CSMD1: variants seen among roughly 807,000 people sequenced by gnomAD.
CSMD1 encodes CUB and Sushi multiple domains 1, also known as CUB and sushi domain-containing protein 1.
A neutral mutation model predicts 417.5 loss-of-function variants in CSMD1; 213 were observed. The ratio of observed to expected loss-of-function variants is 0.51; its 90% confidence interval spans 0.46 to 0.57. The LOEUF is 0.57. CSMD1 is among the 20% of genes least tolerant of loss of function. The pLI is 0.00. For missense variants in CSMD1, 6,923 were observed against 4,529.7 expected (o/e 1.53, Z -15.17); for synonymous variants, 2,862 against 1,736.8 (o/e 1.65, Z -16.11).
chr8:3,403,224 C>T (rs1812144079), intron 15 of CSMD1, among the ~76,000 whole-genome samples: 2 of 152,290 alleles, frequency 1.3e-5, no homozygotes, highest in South Asian at 4.1e-4. Flanking sequence ...TAAGAGTATT[C>T]TGTAAGGGAT....
Position 3,574,999 on chromosome 8 carries a change from C to G in CSMD1, c.1290G>C (p.Gln430His), listed in dbSNP as rs541983846. ...GVITSPNYPV[Q>H]YEDNAHCVWV... ...ACACACAGTGTGCATTATCTTCATA[C>G]TGAACCGGATAATTAGGGGAGGTAA... The change falls in exon 10 of 70, where the codon CAG becomes CAC. Residue 430 changes from glutamine to histidine, a missense_variant. Physicochemically the swap from Gln to His is conservative, Grantham distance 24. Transcript: ENST00000635120. The G allele has an allele frequency of 1.2e-6, 2 of 1,613,362 alleles. No homozygotes were observed. The highest frequency in any genetic ancestry group is 1.7e-6 in the Non-Finnish European group (2 of 1,179,772).
intron 62 of CSMD1, among the ~76,000 whole-genome samples, chr8:2,960,344 G>C (rs546868416): frequency 7.9e-5 from 12 of 152,212 alleles, no homozygotes; most frequent in Non-Finnish European, 1.0e-4. Context: ...GTCCGAGCGA[G>C]AACAATGGGA....
intron 12 of CSMD1, among the ~76,000 whole-genome samples, chr8:3,451,765 G>C (rs534606866): frequency 1.3e-5 from 2 of 152,108 alleles, no homozygotes; most frequent in Non-Finnish European, 2.9e-5. Context: ...CTCCAGCTTT[G>C]TTCTTTTGGC....
intron 1 of CSMD1, among the ~76,000 whole-genome samples, chr8:4,804,457 G>A (rs1355768151): frequency 6.8e-6 from 1 of 147,116 alleles, no homozygotes; most frequent in Non-Finnish European, 1.5e-5. Flanking sequence ...CTTCGGTGTA[G>A]ATTTTTTTTT....
At chr8:3,265,883 A>T (rs532122533) in intron 26 of CSMD1, among the ~76,000 whole-genome samples, 17 of 152,074 alleles carry the variant, frequency 1.1e-4, no homozygotes, top group African/African-American at 3.9e-4. Context: ...GACTGAGATC[A>T]GCTTCTCCAT....
intron 52 of CSMD1, among the ~76,000 whole-genome samples, chr8:3,012,698 T>A (rs1187287751): frequency 6.6e-6 from 1 of 152,172 alleles, no homozygotes; most frequent in Non-Finnish European, 1.5e-5. Flanking sequence ...GTCTTAGTTG[T>A]CTTGTTTGGA....
At chr8:3,619,355 G>A (rs757404914) in intron 7 of CSMD1, among the ~76,000 whole-genome samples, 11 of 148,452 alleles carry the variant, frequency 7.4e-5, no homozygotes, top group Non-Finnish European at 7.4e-5. Context: ...CATGGAGCAC[G>A]GTAGTTAATT....
intron 3 of CSMD1, among the ~76,000 whole-genome samples, chr8:4,221,893 CACCAG>C (rs1158438692): frequency 1.3e-5 from 2 of 152,132 alleles, no homozygotes; most frequent in Non-Finnish European, 2.9e-5. Context: ...AGAGGAAATT[CACCAG>C]ACCAGAGAAA....
At chr8:4,654,511 A>C (rs552869770) in intron 1 of CSMD1, among the ~76,000 whole-genome samples, 8 of 152,084 alleles carry the variant, frequency 5.3e-5, no homozygotes, top group African/African-American at 1.9e-4. Flanking sequence ...GGCAATGCAT[A>C]TACTTCTTAC....
In CSMD1 at chr8:3,481,154, C is replaced by CAAAA. The variant is rs1221192557; in HGVS notation, c.1449-12334_1449-12331dup. On this transcript the variant is annotated intron_variant, in intron 11 of 69. Transcript: ENST00000635120. ...TGGGCAACAGAGCGAGACTCCATCTCAAAAAAAAAAAAAAAAAAAAAAAAA... is the reference window on the plus strand; with the variant it reads ...TGGGCAACAGAGCGAGACTCCATCTCAAAAAAAAAAAAAAAAAAAAAAAAAAAAA... Among the ~76,000 whole-genome samples the CAAAA allele has an allele frequency of 4.3e-5, 3 of 69,436 alleles. No homozygotes were observed. The East Asian group carries it at 1.7e-3, about 38-fold the overall frequency. The allele number at this position is 69,436 out of a possible 152,430, so 45.6% of individuals were successfully genotyped here.
intron 4 of CSMD1, among the ~76,000 whole-genome samples, chr8:3,998,346 G>C (rs547930120): frequency 6.6e-6 from 1 of 152,100 alleles, no homozygotes; most frequent in African/African-American, 2.4e-5. Flanking sequence ...AGATGGAAAC[G>C]GTGGCTTTTC....
At chr8:4,254,180 G>C (rs762803118) in intron 3 of CSMD1, among the ~76,000 whole-genome samples, 3 of 151,982 alleles carry the variant, frequency 2.0e-5, no homozygotes, top group South Asian at 2.1e-4. Context: ...GCCTCCCAAA[G>C]TGATGGGACT....
chr8:3,277,760 G>A (rs1802414741), intron 26 of CSMD1, among the ~76,000 whole-genome samples: 1 of 152,162 alleles, frequency 6.6e-6, no homozygotes, highest in African/African-American at 2.4e-5. Flanking sequence ...AGCCTGGGAG[G>A]CTGGCTGGTG....
intron 23 of CSMD1, among the ~76,000 whole-genome samples, chr8:3,339,890 T>C (rs992514602): frequency 2.0e-5 from 3 of 152,232 alleles, no homozygotes; most frequent in Admixed American, 2.0e-4. Context: ...GGTATGAACA[T>C]AGACAAGTCT....
At chr8:4,838,309 C>A (rs77456748) in intron 1 of CSMD1, among the ~76,000 whole-genome samples, 2 of 152,050 alleles carry the variant, frequency 1.3e-5, no homozygotes, top group African/African-American at 2.4e-5. Context: ...CTAACGTAAG[C>A]GTTCATGGAA....
At chr8:4,897,590 A>G (rs1003636546) in intron 1 of CSMD1, among the ~76,000 whole-genome samples, 2 of 152,130 alleles carry the variant, frequency 1.3e-5, no homozygotes, top group Non-Finnish European at 2.9e-5. Context: ...ATAAATTCTT[A>G]GTGACCAATA....
Position 3,648,669 on chromosome 8 carries a change from C to A in CSMD1, c.1010-31872G>T, listed in dbSNP as rs77520535. On this transcript the variant is annotated intron_variant, in intron 7 of 69. Coordinates refer to ENST00000635120, the MANE Select transcript of CSMD1 (RefSeq NM_033225.6). ...CAAACTGACCTTACTTTGAAACATA[C>A]GGCTATACCAAATCCTATAAAAATG... 2.2e-3 allele frequency among the ~76,000 whole-genome samples: 342 copies of A among 152,282 alleles called. 4 individuals carry two copies. In the East Asian group the frequency reaches 0.051, roughly 23 times the overall value.
At chr8:4,209,038 C>A (rs140515317) in intron 3 of CSMD1, among the ~76,000 whole-genome samples, 1 of 152,188 alleles carries the variant, frequency 6.6e-6, no homozygotes, top group Non-Finnish European at 1.5e-5. Context: ...GTATTCTCTC[C>A]TGTCTCTGAC....
chr8:3,224,402 A>G (rs1356080026), intron 27 of CSMD1, among the ~76,000 whole-genome samples: 1 of 152,222 alleles, frequency 6.6e-6, no homozygotes, highest in Non-Finnish European at 1.5e-5. Context: ...CGGTTTCTGG[A>G]TCTGAACAAG....
Sources: allele counts gnomAD v4.1 joint callset (sites outside exome capture counted in the v4.1 genomes callset), GRCh38; gene constraint gnomAD v4.1.1; transcripts MANE v1.5; gene names NCBI Gene and HGNC (gene_info 2026-07-23, HGNC 2026-07-21).